Variants in MTUS2 observed in about 807,000 individuals in gnomAD.
MTUS2 encodes the protein microtubule associated scaffold protein 2, also known as microtubule-associated tumor suppressor candidate 2.
Under a neutral mutation model 114.1 loss-of-function variants are expected in MTUS2, and 40 were observed. The ratio of observed to expected loss-of-function variants is 0.35; its 90% CI spans 0.27 to 0.46. The LOEUF (loss-of-function observed/expected upper bound fraction) is 0.46, where lower values mean the gene tolerates loss of function less well. Among genes scored for constraint, MTUS2 ranks in the 20% least tolerant of loss-of-function variants. MTUS2 has a pLI of 1.00. For synonymous variants in MTUS2, 688 were observed against 672.0 expected (o/e 1.02, Z -0.37); for missense variants, 1,679 against 1,705.4 (o/e 0.98, Z 0.27).
At chr13:28,996,177 T>A (rs1025411101) in intron 2 of MTUS2, among the ~76,000 whole-genome samples, 15 of 152,322 alleles carry the variant, frequency 9.8e-5, no homozygotes, top group African/African-American at 3.1e-4. Context: ...TGTCTTTGGT[T>A]CTGTTTATAT....
At chr13:29,482,827 C>A (rs1449297017) in intron 10 of MTUS2, among the ~76,000 whole-genome samples, 2 of 152,202 alleles carry the variant, frequency 1.3e-5, no homozygotes, top group Non-Finnish European at 2.9e-5. Flanking sequence ...TTTGGGGGAA[C>A]CGGAGAGTGA....
At chr13:29,044,117 A>G (rs1887502263) in intron 4 of MTUS2, among the ~76,000 whole-genome samples, 1 of 151,810 alleles carries the variant, frequency 6.6e-6, no homozygotes, top group Non-Finnish European at 1.5e-5. Context: ...TGCCTGAAGG[A>G]CTTCTTTTAA....
At chr13:29,200,167 G>A (rs1244265586) in intron 5 of MTUS2, among the ~76,000 whole-genome samples, 1 of 150,998 alleles carries the variant, frequency 6.6e-6, no homozygotes, top group Non-Finnish European at 1.5e-5. Flanking sequence ...TTTTTTTTAA[G>A]GTTTTTTCGT....
At chr13:29,079,310 T>C (rs958560745) in intron 4 of MTUS2, among the ~76,000 whole-genome samples, 2 of 152,238 alleles carry the variant, frequency 1.3e-5, no homozygotes, top group African/African-American at 4.8e-5. Flanking sequence ...TAGGTATTTA[T>C]ACATGTTGGA....
At chr13:29,171,607 G>A (rs1893566408) in intron 5 of MTUS2, among the ~76,000 whole-genome samples, 1 of 152,182 alleles carries the variant, frequency 6.6e-6, no homozygotes, top group Non-Finnish European at 1.5e-5. Context: ...GTTAGGGTCA[G>A]GTTTGTCTGC....
At chr13:29,495,940 A>ATATATCTATATC (rs539332032) in intron 12 of MTUS2, among the ~76,000 whole-genome samples, 3 of 151,652 alleles carry the variant, frequency 2.0e-5, no homozygotes, top group Non-Finnish European at 2.9e-5. Flanking sequence ...GTGTGTATCT[A>ATATATCTATATC]TATATCTATA....
At chr13:29,471,740 C>T (rs1482447975) in intron 9 of MTUS2, among the ~76,000 whole-genome samples, 1 of 139,958 alleles carries the variant, frequency 7.1e-6, no homozygotes, top group Non-Finnish European at 1.6e-5. Flanking sequence ...TCTGCAGGCC[C>T]AGCCCCCCCC....
At chr13:29,046,162 G>A (rs1887607891) in intron 4 of MTUS2, among the ~76,000 whole-genome samples, 1 of 150,362 alleles carries the variant, frequency 6.7e-6, no homozygotes, top group Admixed American at 6.6e-5. Flanking sequence ...CACCCAGGCT[G>A]GAGTGCAGTG....
At chr13:29,326,339 G>A (rs998071182) in intron 7 of MTUS2, among the ~76,000 whole-genome samples, 11 of 152,150 alleles carry the variant, frequency 7.2e-5, no homozygotes, top group African/African-American at 2.4e-4. Flanking sequence ...CGACTAAGAT[G>A]TGAAATCACA....
At chr13:29,084,836 C>T (rs1392486805) in intron 4 of MTUS2, among the ~76,000 whole-genome samples, 1 of 143,252 alleles carries the variant, frequency 7.0e-6, no homozygotes, top group African/African-American at 2.5e-5. Context: ...GCATGAGCTA[C>T]TGTGCCTGAC....
At chr13:29,072,197 T>C (rs1888970527) in intron 4 of MTUS2, 1 of 152,220 alleles carries the variant, frequency 6.6e-6, no homozygotes, top group Non-Finnish European at 1.5e-5. Context: ...TTTTCTCTTT[T>C]TTTGATCTAG....
At chr13:29,259,456 T>A (rs1186064864) in intron 5 of MTUS2, among the ~76,000 whole-genome samples, 3 of 152,192 alleles carry the variant, frequency 2.0e-5, no homozygotes, top group African/African-American at 4.8e-5. Context: ...TAAGACTTCG[T>A]GTTGAAGCTG....
intron 6 of MTUS2, among the ~76,000 whole-genome samples, chr13:29,312,465 CTT>C (rs1293395971): frequency 2.0e-5 from 3 of 152,136 alleles, no homozygotes; most frequent in African/African-American, 7.2e-5. Context: ...TATGAGGACA[CTT>C]AATACTAAAT....
In MTUS2 at chr13:29,009,535, G is replaced by A. The variant is rs1025274779; in HGVS notation, c.-242-14922G>A. Among the ~76,000 whole-genome samples the A allele has an allele frequency of 2.0e-5, 3 of 152,160 alleles. No individual in the cohort carries two copies. The East Asian group carries it at 5.8e-4, about 29-fold the overall frequency. Reference sequence around the variant, plus strand: ...CTGGAAAAGACAAAACTATAAGGATGGAGAATAGGTCATATTTGCTAGTGG... The same window carrying A: ...CTGGAAAAGACAAAACTATAAGGATAGAGAATAGGTCATATTTGCTAGTGG... On this transcript the variant is annotated intron_variant, in intron 2 of 15. Transcript: ENST00000612955.
At chr13:28,836,577 G>T (rs938707231) in intron 1 of MTUS2, among the ~76,000 whole-genome samples, 1 of 152,168 alleles carries the variant, frequency 6.6e-6, no homozygotes, top group Non-Finnish European at 1.5e-5. Context: ...GGAAGGGAGT[G>T]GTCAGTTCTA....
At chr13:29,390,600 C>T (rs1175322884) in intron 8 of MTUS2, among the ~76,000 whole-genome samples, 4 of 149,054 alleles carry the variant, frequency 2.7e-5, no homozygotes, top group South Asian at 2.2e-4. Context: ...CTGAGTGAGC[C>T]GAGATGGCAT....
At position 29,336,037 on chromosome 13, in the gene MTUS2, G is replaced by A. The variant is rs540665006; in HGVS notation, c.2905+11326G>A. ...GTGCTGTATTTTTCAGCTCCGTCAG[G>A]TCATTTATGTTCTTCTCTAAACTGG... On this transcript the variant is annotated intron_variant, in intron 7 of 15. Transcript: ENST00000612955. Among the ~76,000 whole-genome samples, 9 of 152,240 alleles carry A rather than the reference G, an allele frequency of 5.9e-5. No individual in the cohort carries two copies. In the South Asian group the frequency reaches 1.9e-3, roughly 32 times the overall value.
At chr13:29,122,011 A>G in intron 5 of MTUS2, among the ~76,000 whole-genome samples, 1 of 152,180 alleles carries the variant, frequency 6.6e-6, no homozygotes. Flanking sequence ...CAGAATAAAA[A>G]CATGTAATTG....
rs558855837 is a variant in MTUS2 at position 29,076,959 on chromosome 13, A to G, written c.2447-23814A>G. ...GGGTGTTTATTATATGTTAGGCAAT[A>G]TGATAAGCATTTTAGATGCAATTTC... On this transcript the variant is annotated intron_variant, in intron 4 of 15. Transcript: ENST00000612955. 3.3e-5 allele frequency among the ~76,000 whole-genome samples: 5 copies of G among 152,340 alleles called. No individual in the cohort carries two copies. In the South Asian group the frequency reaches 1.0e-3, roughly 32 times the overall value.
Sources: gnomAD v4.1 joint callset for allele counts (sites outside exome capture counted in the v4.1 genomes callset) on GRCh38, gnomAD v4.1.1 for gene constraint, MANE v1.5 for transcripts, NCBI Gene and HGNC (gene_info 2026-07-23, HGNC 2026-07-21) for gene names.